GRIA4: variants seen among roughly 807,000 people sequenced by gnomAD.
The protein encoded by GRIA4 is glutamate receptor 4.
A neutral mutation model predicts 104.0 loss-of-function variants in GRIA4; 34 were observed. That is an observed-to-expected ratio of 0.33 (90% CI 0.25 to 0.44). GRIA4 has a LOEUF of 0.44. GRIA4 is among the 20% of genes least tolerant of loss of function. The probability of loss-of-function intolerance (pLI) is 1.00; values close to 1 mark genes in which losing one functional copy is unlikely to be tolerated. For missense variants in GRIA4, 750 were observed against 1,096.5 expected, an observed-to-expected ratio of 0.68 and a Z score of 4.46; for synonymous variants, 386 against 381.9, an observed-to-expected ratio of 1.01 and a Z score of -0.13.
At chr11:105,626,386 T>C (rs1022139440) in intron 3 of GRIA4, among the ~76,000 whole-genome samples, 3 of 152,124 alleles carry the variant, frequency 2.0e-5, no homozygotes, top group East Asian at 3.8e-4. Flanking sequence ...TAAAGTATAT[T>C]TAACCTTAAT....
chr11:105,889,670 C>T (rs1240659546), intron 6 of GRIA4, among the ~76,000 whole-genome samples: 1 of 152,060 alleles, frequency 6.6e-6, no homozygotes, highest in East Asian at 1.9e-4. Context: ...CCTCTCTCAC[C>T]ACTTCTATTG....
chr11:105,804,283 A>G (rs539001844), intron 4 of GRIA4, among the ~76,000 whole-genome samples: 1 of 151,836 alleles, frequency 6.6e-6, no homozygotes, highest in Non-Finnish European at 1.5e-5. Context: ...TGTTTTCCGT[A>G]ATAAATAAGT....
chr11:105,645,473 A>G (rs1228941303), intron 3 of GRIA4, among the ~76,000 whole-genome samples: 4 of 152,194 alleles, frequency 2.6e-5, no homozygotes, highest in African/African-American at 9.6e-5. Context: ...TTCCGACAGC[A>G]TCTGTTTCAA....
chr11:105,656,445 T>C (rs1227760252), intron 3 of GRIA4, among the ~76,000 whole-genome samples: 2 of 152,060 alleles, frequency 1.3e-5, no homozygotes, highest in Non-Finnish European at 2.9e-5. Context: ...AGCAATACCA[T>C]TCAGGACATA....
At chr11:105,613,605 T>G (rs1209468412) in intron 3 of GRIA4, 1 of 152,184 alleles carries the variant, frequency 6.6e-6, no homozygotes, top group African/African-American at 2.4e-5. Context: ...AGTTTTTAAA[T>G]TTGTCTGGAG....
At chr11:105,691,955 A>T (rs1044410823) in intron 3 of GRIA4, among the ~76,000 whole-genome samples, 1 of 150,448 alleles carries the variant, frequency 6.6e-6, no homozygotes, top group African/African-American at 2.4e-5. Flanking sequence ...AAAAAAAAAA[A>T]GTAAAAATGT....
At chr11:105,673,464 C>G (rs924897015) in intron 3 of GRIA4, among the ~76,000 whole-genome samples, 2 of 152,060 alleles carry the variant, frequency 1.3e-5, no homozygotes, top group Admixed American at 1.3e-4. Context: ...GATCAGTTAT[C>G]CGAACTTCTA....
chr11:105,791,359 G>T (rs536402099), intron 4 of GRIA4, among the ~76,000 whole-genome samples: 1 of 152,104 alleles, frequency 6.6e-6, no homozygotes, highest in East Asian at 1.9e-4. Context: ...GTATTTTGTT[G>T]GTTGGTCTCA....
chr11:105,677,762 C>G (rs1205845091), intron 3 of GRIA4, among the ~76,000 whole-genome samples: 1 of 151,938 alleles, frequency 6.6e-6, no homozygotes, highest in Non-Finnish European at 1.5e-5. Flanking sequence ...GGATAAGCAA[C>G]TAGCCATGCC....
chr11:105,885,959 C>T (rs1241219001), intron 5 of GRIA4, among the ~76,000 whole-genome samples: 1 of 152,156 alleles, frequency 6.6e-6, no homozygotes, highest in Admixed American at 6.5e-5. Flanking sequence ...TGTTAAAGGG[C>T]AATCAGCCCT....
chr11:105,854,577 TAA>T (rs1944942625), intron 4 of GRIA4, among the ~76,000 whole-genome samples: 1 of 152,092 alleles, frequency 6.6e-6, no homozygotes, highest in Admixed American at 6.5e-5. Context: ...GTGGAGGAAA[TAA>T]AAGACATGTA....
At chr11:105,956,879 T>G (rs1231184098) in intron 14 of GRIA4, among the ~76,000 whole-genome samples, 1 of 152,212 alleles carries the variant, frequency 6.6e-6, no homozygotes, top group Non-Finnish European at 1.5e-5. Context: ...CATTTTTTCA[T>G]GTGTCTTTTG....
intron 4 of GRIA4, among the ~76,000 whole-genome samples, chr11:105,849,259 T>G (rs1262409514): frequency 6.6e-6 from 1 of 152,158 alleles, no homozygotes; most frequent in Non-Finnish European, 1.5e-5. Flanking sequence ...TGCACATGAT[T>G]CCTTTTAATC....
intron 3 of GRIA4, among the ~76,000 whole-genome samples, chr11:105,689,261 A>T (rs958478834): frequency 3.9e-5 from 6 of 152,298 alleles, no homozygotes; most frequent in Non-Finnish European, 8.8e-5. Flanking sequence ...GTATTAGAGC[A>T]GGGGACAGCA....
At chr11:105,839,491 T>G (rs1397397933) in intron 4 of GRIA4, among the ~76,000 whole-genome samples, 2 of 151,970 alleles carry the variant, frequency 1.3e-5, no homozygotes, top group African/African-American at 4.8e-5. Context: ...GCTATCTCAT[T>G]TTATTTTGCT....
chr11:105,849,845 G>T (rs1376552585), intron 4 of GRIA4, among the ~76,000 whole-genome samples: 4 of 152,100 alleles, frequency 2.6e-5, no homozygotes, highest in Admixed American at 6.6e-5. Context: ...TTCTTTACTG[G>T]AATTTGTTGT....
At chr11:105,916,792 A>G (rs1017411233) in intron 10 of GRIA4, among the ~76,000 whole-genome samples, 1 of 152,322 alleles carries the variant, frequency 6.6e-6, no homozygotes, top group African/African-American at 2.4e-5. Context: ...CTTCAACTGT[A>G]GTACCAAATG....
intron 4 of GRIA4, among the ~76,000 whole-genome samples, chr11:105,808,082 T>A (rs945929135): frequency 2.0e-5 from 3 of 151,980 alleles, no homozygotes; most frequent in South Asian, 2.1e-4. Context: ...AAGAGATAGA[T>A]CCTACTCTGC....
chr11:105,895,820 C>G (rs1342133420), intron 6 of GRIA4, among the ~76,000 whole-genome samples: 3 of 152,050 alleles, frequency 2.0e-5, no homozygotes, highest in Non-Finnish European at 2.9e-5. Context: ...CTTGGACTAC[C>G]ATTTCTCGGG....
Sources: gnomAD v4.1 joint callset for allele counts (sites outside exome capture counted in the v4.1 genomes callset) on GRCh38, gnomAD v4.1.1 for gene constraint, MANE v1.5 for transcripts, NCBI Gene and HGNC (gene_info 2026-07-23, HGNC 2026-07-21) for gene names.